The following EPHA5 variants were observed in gnomAD, a reference collection of about 807,000 sequenced individuals.
EPHA5 encodes EPH receptor A5, also known as ephrin type-A receptor 5.
Under a neutral mutation model 105.0 loss-of-function variants are expected in EPHA5, and 60 were observed. That is an observed-to-expected ratio of 0.57 (90% CI 0.46 to 0.71). The LOEUF is 0.71. Among genes scored for constraint, EPHA5 ranks in the 30% least tolerant of loss-of-function variants. The pLI is 0.00. For synonymous variants in EPHA5, 513 were observed against 449.1 expected (o/e 1.14, Z -1.80); for missense variants, 1,218 against 1,274.7 (o/e 0.96, Z 0.68).
In EPHA5 at chr4:65,601,744, A is replaced by T. The variant is rs1316527440; in HGVS notation, c.807T>A (p.Asp269Glu). 1.9e-6 allele frequency: 3 copies of T among 1,614,122 alleles called. No individual in the cohort carries two copies. Among genetic ancestry groups the T allele is most frequent in the Non-Finnish European group, 2.5e-6 (3 of 1,180,010 alleles). ...SGSCVNHSVTDEPPKMHCSAE... is the reference protein window; with the variant it reads ...SGSCVNHSVTEEPPKMHCSAE... Reference sequence around the variant, plus strand: ...CGCTGCAGTGCATTTTGGGAGGTTCATCGGTCACAGAATGGTTGACACAGG... The same window carrying T: ...CGCTGCAGTGCATTTTGGGAGGTTCTTCGGTCACAGAATGGTTGACACAGG... Residue 269 changes from aspartate (D) to glutamate (E), a missense_variant, in exon 3 of 17, where the codon GAT becomes GAA. Asp to Glu is a conservative substitution (Grantham distance 45). Around this residue, in one of 3 missense-constraint regions of EPHA5, gnomAD observed 971 missense variants for 1,013.5 expected, o/e 0.96. Coordinates refer to ENST00000613740, the MANE Select transcript of EPHA5 (RefSeq NM_001281766.3).
In EPHA5 at chr4:65,511,858, A is replaced by G. The variant is rs768200281; in HGVS notation, c.911-16315T>C. 1.7e-4 allele frequency among the ~76,000 whole-genome samples: 26 copies of G among 152,184 alleles called. 1 individual carries two copies. The highest frequency in any genetic ancestry group is 3.3e-4 in the Admixed American group (5 of 15,266). On this transcript the variant is annotated intron_variant, in intron 3 of 16. Transcript: ENST00000613740. ...ATTTCCAAATCCTAGAAAACAAAAC[A>G]CCTTGTAGGTTTCCATGTACATATG...
At chr4:65,584,413 T>G in intron 3 of EPHA5, among the ~76,000 whole-genome samples, 1 of 151,932 alleles carries the variant, frequency 6.6e-6, no homozygotes, top group East Asian at 1.9e-4. Context: ...TCCAAAATTC[T>G]CTTGCACGAA....
Position 65,447,781 on chromosome 4 carries a change from AC to A in EPHA5, c.1403-27217del, listed in dbSNP as rs1726693789. 1.4e-5 allele frequency among the ~76,000 whole-genome samples: 2 copies of A among 145,346 alleles called. 1 individual carries two copies. Among genetic ancestry groups the A allele is most frequent in the African/African-American group, 5.0e-5 (2 of 40,380 alleles). The stretch of plus-strand genomic sequence containing the variant: ...TTTCTGGTATTACTTGAATAAATTT[AC>A]CCTTATCTGACCAAAAAAAAAATGA... On this transcript the variant is annotated intron_variant, in intron 5 of 16. Transcript: ENST00000613740.
chr4:65,577,212 C>A (rs534662411), intron 3 of EPHA5, among the ~76,000 whole-genome samples: 1 of 152,004 alleles, frequency 6.6e-6, no homozygotes, highest in Non-Finnish European at 1.5e-5. Flanking sequence ...GATTTCTTTA[C>A]GGGTGCACTT....
At chr4:65,417,943 GA>G (rs146657339) in intron 6 of EPHA5, among the ~76,000 whole-genome samples, 9 of 151,540 alleles carry the variant, frequency 5.9e-5, no homozygotes, top group East Asian at 5.8e-4. Context: ...TTCATAAGGG[GA>G]AAAAAAATAG....
At chr4:65,505,119 G>T (rs906086443) in intron 3 of EPHA5, among the ~76,000 whole-genome samples, 1 of 152,004 alleles carries the variant, frequency 6.6e-6, no homozygotes, top group South Asian at 2.1e-4. Context: ...ATTAGATAAA[G>T]ATTTGAGAAT....
chr4:65,652,554 A>G (rs940637186), intron 1 of EPHA5, among the ~76,000 whole-genome samples: 4 of 152,130 alleles, frequency 2.6e-5, no homozygotes, highest in African/African-American at 9.7e-5. Context: ...TCTAAATCCA[A>G]GTATATCTAA....
chr4:65,386,760 T>C lies in EPHA5; in HGVS notation c.1793+17614A>G, dbSNP rs566156126. Among the ~76,000 whole-genome samples the C allele has an allele frequency of 2.0e-5, 3 of 152,084 alleles. No homozygotes were observed. In the East Asian group the frequency reaches 5.8e-4, roughly 29 times the overall value. On this transcript the variant is annotated intron_variant, in intron 8 of 16. Transcript: ENST00000613740. ...TAAAAATTCAACTGTACAAAAGACA[T>C]CTTAAATATATATGGCAAAATATTA...
intron 5 of EPHA5, among the ~76,000 whole-genome samples, chr4:65,450,098 G>A (rs138758753): frequency 0.011 from 1,726 of 152,192 alleles, 37 homozygotes; most frequent in African/African-American, 0.04. Flanking sequence ...TGAATATTAC[G>A]TTTTTAAATA....
intron 2 of EPHA5, among the ~76,000 whole-genome samples, chr4:65,634,529 G>A (rs1746938174): frequency 6.6e-6 from 1 of 152,004 alleles, no homozygotes; most frequent in African/African-American, 2.4e-5. Context: ...TATGCTTAAT[G>A]TCTAGCTTGA....
intron 3 of EPHA5, among the ~76,000 whole-genome samples, chr4:65,526,620 T>A (rs1447738661): frequency 1.3e-5 from 2 of 152,028 alleles, no homozygotes; most frequent in Admixed American, 1.3e-4. Flanking sequence ...TTCCATTGTT[T>A]GTTATAGTAA....
chr4:65,649,782 A>G (rs1324281017), intron 1 of EPHA5, among the ~76,000 whole-genome samples: 1 of 152,158 alleles, frequency 6.6e-6, no homozygotes, highest in South Asian at 2.1e-4. Flanking sequence ...AATTTGCCTT[A>G]TCTTTTGGCA....
chr4:65,633,111 C>T (rs915422529), intron 2 of EPHA5, among the ~76,000 whole-genome samples: 1 of 151,826 alleles, frequency 6.6e-6, no homozygotes, highest in African/African-American at 2.4e-5. Context: ...CACTGAACAA[C>T]ACAAAAAAGA....
intron 5 of EPHA5, among the ~76,000 whole-genome samples, chr4:65,472,221 G>A (rs1729357703): frequency 6.6e-6 from 1 of 152,168 alleles, no homozygotes; most frequent in African/African-American, 2.4e-5. Flanking sequence ...ATCTCCTTGA[G>A]TCCCTGTCTC....
At chr4:65,505,840 C>A (rs751891251) in intron 3 of EPHA5, among the ~76,000 whole-genome samples, 52 of 151,908 alleles carry the variant, frequency 3.4e-4, no homozygotes, top group Non-Finnish European at 6.5e-4. Context: ...TGAACTTTTC[C>A]TTTTATTTAT....
chr4:65,542,528 G>A (rs1237696190), intron 3 of EPHA5, among the ~76,000 whole-genome samples: 1 of 151,832 alleles, frequency 6.6e-6, no homozygotes, highest in Non-Finnish European at 1.5e-5. Flanking sequence ...CCACAAAGAA[G>A]TCGAATCCCT....
intron 5 of EPHA5, among the ~76,000 whole-genome samples, chr4:65,446,330 G>A (rs185961286): frequency 6.6e-6 from 1 of 152,066 alleles, no homozygotes; most frequent in African/African-American, 2.4e-5. Flanking sequence ...AAACTTATTT[G>A]TTCATTTAAT....
chr4:65,517,485 C>T (rs1029176345), intron 3 of EPHA5, among the ~76,000 whole-genome samples: 1 of 151,572 alleles, frequency 6.6e-6, no homozygotes, highest in Non-Finnish European at 1.5e-5. Context: ...ATGATCTGCA[C>T]CTTTTAATTG....
In EPHA5 at chr4:65,669,675, A is replaced by G. The variant is rs2149571765; in HGVS notation, c.68T>C (p.Ile23Thr). The G allele has an allele frequency of 7.5e-7, 1 of 1,339,426 alleles. No homozygotes were observed. The highest frequency in any genetic ancestry group is 9.6e-7 in the Non-Finnish European group (1 of 1,040,668). The allele number at this position is 1,339,426 out of a possible 1,614,324, so 83.0% of individuals were successfully genotyped here. A position where few individuals can be genotyped will look rare whatever the true frequency, so the allele number is the denominator to read the frequency against. Residue 23 changes from isoleucine (I) to threonine (T), a missense_variant, in exon 1 of 17, where the codon ATC (isoleucine) becomes ACC (threonine). Coordinates refer to ENST00000613740, the MANE Select transcript of EPHA5 (RefSeq NM_001281766.3). ...RPPSGGGDTPITPASLAGCYS... is the reference protein window; with the variant it reads ...RPPSGGGDTPTTPASLAGCYS... ...GCAGCCGGCCAGGGACGCTGGGGTG[A>G]TGGGGGTGTCGCCGCCGCCGCTTGG...
Sources: gnomAD v4.1 joint callset for allele counts (sites outside exome capture counted in the v4.1 genomes callset) on GRCh38, gnomAD v4.1.1 for gene constraint, gnomAD v4.1.1 regional missense constraint, MANE v1.5 for transcripts, NCBI Gene and HGNC (gene_info 2026-07-23, HGNC 2026-07-21) for gene names.